RAB3C: variants seen among roughly 807,000 people sequenced by gnomAD.
The protein encoded by RAB3C is RAB3C, member RAS oncogene family.
RAB3C carries 17 observed loss-of-function variants against 26.4 expected under a neutral mutation model. That is an observed-to-expected ratio of 0.64 (90% CI 0.44 to 0.97). The LOEUF (loss-of-function observed/expected upper bound fraction) is 0.97, where lower values mean the gene tolerates loss of function less well. Ranked by LOEUF, RAB3C falls within the 50% of genes least tolerant of loss-of-function variation. The pLI, the probability that RAB3C is intolerant of heterozygous loss-of-function variation, is 0.00. For synonymous variants in RAB3C, 91 were observed against 95.9 expected, an observed-to-expected ratio of 0.95 and a Z score of 0.30; for missense variants, 242 against 281.9, an observed-to-expected ratio of 0.86 and a Z score of 1.01.
At chr5:58,732,501 A>AT (rs1165897512) in intron 3 of RAB3C, among the ~76,000 whole-genome samples, 6 of 152,022 alleles carry the variant, frequency 3.9e-5, no homozygotes, top group Admixed American at 6.6e-5. Flanking sequence ...CTTTAGACTC[A>AT]TTTTTTTCTT....
At chr5:58,813,109 T>G (rs1179390197) in intron 3 of RAB3C, among the ~76,000 whole-genome samples, 1 of 152,152 alleles carries the variant, frequency 6.6e-6, no homozygotes, top group African/African-American at 2.4e-5. Flanking sequence ...TTTTGCAGTT[T>G]CTTCATCTGC....
chr5:58,594,704 G>A (rs1029020809), intron 1 of RAB3C, among the ~76,000 whole-genome samples: 1 of 151,992 alleles, frequency 6.6e-6, no homozygotes. Flanking sequence ...TCAAGATCTA[G>A]AACCAATATT....
intron 3 of RAB3C, among the ~76,000 whole-genome samples, chr5:58,726,508 C>T (rs905584282): frequency 6.6e-6 from 1 of 151,878 alleles, no homozygotes; most frequent in Admixed American, 6.6e-5. Flanking sequence ...TTTAGTAAAT[C>T]AACTTTTATT....
At chr5:58,814,008 C>T (rs994743747) in intron 3 of RAB3C, among the ~76,000 whole-genome samples, 1 of 152,106 alleles carries the variant, frequency 6.6e-6, no homozygotes, top group Non-Finnish European at 1.5e-5. Context: ...CTGAACAGGG[C>T]CCCCAGTCAT....
At chr5:58,703,585 C>A (rs560732450) in intron 2 of RAB3C, among the ~76,000 whole-genome samples, 1 of 152,238 alleles carries the variant, frequency 6.6e-6, no homozygotes, top group South Asian at 2.1e-4. Context: ...AGGGACGAAA[C>A]CAGAATTTGG....
At chr5:58,835,308 T>C (rs1249413713) in intron 4 of RAB3C, among the ~76,000 whole-genome samples, 1 of 152,206 alleles carries the variant, frequency 6.6e-6, no homozygotes, top group African/African-American at 2.4e-5. Context: ...CTAGGTGTTC[T>C]TTCCTATACT....
In RAB3C at chr5:58,637,192, C is replaced by A. The variant is rs555747891; in HGVS notation, c.252+19322C>A. Among the ~76,000 whole-genome samples the A allele has an allele frequency of 4.2e-3, 627 of 150,238 alleles. 1 individual carries two copies. Among genetic ancestry groups the A allele is most frequent in the Non-Finnish European group, 6.3e-3 (429 of 67,722 alleles). ...CACAAAAGTGTCATATTTGGAAAACCAAAAGGTTTAATAATCTTTTAGTAA... is the reference window on the plus strand; with the variant it reads ...CACAAAAGTGTCATATTTGGAAAACAAAAAGGTTTAATAATCTTTTAGTAA... On this transcript the variant is annotated intron_variant, in intron 2 of 4. Coordinates refer to ENST00000282878, the MANE Select transcript of RAB3C (RefSeq NM_138453.4).
chr5:58,656,325 T>A (rs1006836679), intron 2 of RAB3C, among the ~76,000 whole-genome samples: 1 of 152,206 alleles, frequency 6.6e-6, no homozygotes, highest in African/African-American at 2.4e-5. Context: ...CTAATCATAA[T>A]GTACTTTGTA....
chr5:58,654,413 A>G (rs1323255353), intron 2 of RAB3C, among the ~76,000 whole-genome samples: 1 of 152,194 alleles, frequency 6.6e-6, no homozygotes, highest in Non-Finnish European at 1.5e-5. Context: ...TTCAAATCCA[A>G]CTTCTCAACT....
chr5:58,708,847 C>A (rs1749003948), intron 2 of RAB3C, among the ~76,000 whole-genome samples: 1 of 152,104 alleles, frequency 6.6e-6, no homozygotes, highest in Non-Finnish European at 1.5e-5. Context: ...TTGTTAACTG[C>A]AAAATAATAT....
At chr5:58,726,227 A>G (rs1012837991) in intron 3 of RAB3C, 107 bp downstream of exon 3, 18 of 564,606 alleles carry the variant, frequency 3.2e-5, no homozygotes, top group African/African-American at 3.1e-4. Flanking sequence ...ATGTGTTTAC[A>G]TTACACTACA....
At chr5:58,761,063 T>TCTCTCACACACA (rs370091627) in intron 3 of RAB3C, among the ~76,000 whole-genome samples, 2 of 144,820 alleles carry the variant, frequency 1.4e-5, no homozygotes, top group East Asian at 4.1e-4. Flanking sequence ...TCTCTCTCTC[T>TCTCTCACACACA]CACACACACA....
chr5:58,794,519 A>AAAAACTTT (rs1031360854), intron 3 of RAB3C: 3 of 152,152 alleles, frequency 2.0e-5, no homozygotes, highest in Non-Finnish European at 2.9e-5. Flanking sequence ...ATGCTTTAAA[A>AAAAACTTT]AAAAAAAACA....
At chr5:58,817,673 T>C (rs904095044) in intron 3 of RAB3C, among the ~76,000 whole-genome samples, 20 of 152,186 alleles carry the variant, frequency 1.3e-4, no homozygotes, top group Non-Finnish European at 2.5e-4. Context: ...GCAGCCCTGA[T>C]AGCATATACA....
chr5:58,797,767 C>G (rs1742707664), intron 3 of RAB3C, among the ~76,000 whole-genome samples: 1 of 152,100 alleles, frequency 6.6e-6, no homozygotes, highest in Non-Finnish European at 1.5e-5. Flanking sequence ...TAACCACAGG[C>G]CTACAGGACA....
chr5:58,652,682 G>A (rs918103068), intron 2 of RAB3C, among the ~76,000 whole-genome samples: 1 of 131,810 alleles, frequency 7.6e-6, no homozygotes, highest in African/African-American at 2.8e-5. Flanking sequence ...ATGTTTAGGG[G>A]TTTTTATCTT....
intron 3 of RAB3C, among the ~76,000 whole-genome samples, chr5:58,778,433 C>T (rs1742197357): frequency 6.6e-6 from 1 of 152,122 alleles, no homozygotes; most frequent in South Asian, 2.1e-4. Flanking sequence ...TCTTCCACTT[C>T]ATCTTATGTA....
chr5:58,749,060 G>A (rs897025670), intron 3 of RAB3C, among the ~76,000 whole-genome samples: 5 of 152,038 alleles, frequency 3.3e-5, no homozygotes, highest in Non-Finnish European at 7.4e-5. Context: ...CTCCCCCAAT[G>A]CCATCAAACA....
Position 58,617,663 on chromosome 5 carries a change from C to T in RAB3C, c.45C>T (p.Ala15=), listed in dbSNP as rs1746852221. ...APMQMASAQD[A]RYGQKDSSDQ... ...CACAGATGGCCTCTGCCCAAGATGC[C>T]AGGTACGGCCAGAAAGACTCCTCTG... Residue 15 remains alanine, a synonymous_variant, in exon 2 of 5, where the codon GCC becomes GCT. Coordinates refer to ENST00000282878, the MANE Select transcript of RAB3C (RefSeq NM_138453.4). 2 of 1,613,072 alleles carry T rather than the reference C, an allele frequency of 1.2e-6. No homozygotes were observed. The highest frequency in any genetic ancestry group is 1.7e-5 in the Admixed American group (1 of 59,916).
Sources: allele counts gnomAD v4.1 joint callset (sites outside exome capture counted in the v4.1 genomes callset), GRCh38; gene constraint gnomAD v4.1.1; transcripts MANE v1.5; gene names NCBI Gene and HGNC (gene_info 2026-07-23, HGNC 2026-07-21).